ATXN7L3: variants seen among roughly 807,000 people sequenced by gnomAD.
ATXN7L3 encodes the protein ataxin 7 like 3.
In ATXN7L3, 6 loss-of-function variants were observed where a neutral mutation model predicts 50.0. The observed-to-expected ratio is 0.12, with a 90% CI of 0.07 to 0.24. The LOEUF (loss-of-function observed/expected upper bound fraction) is 0.24, where lower values mean the gene tolerates loss of function less well. Ranked by LOEUF, ATXN7L3 falls within the 10% of genes least tolerant of loss-of-function variation. The probability of loss-of-function intolerance (pLI) is 1.00; values close to 1 mark genes in which losing one functional copy is unlikely to be tolerated. For missense variants in ATXN7L3, 322 were observed against 451.3 expected (o/e 0.71, Z 2.60); for synonymous variants, 198 against 165.8 (o/e 1.19, Z -1.49).
chr17:44,196,232 A>AGGCCCC, intron 6 of ATXN7L3, 153 bp from the exon 7 acceptor site: 2 of 285,370 alleles, frequency 7.0e-6, no homozygotes, highest in Admixed American at 6.8e-5. Context: ...GCCCTCCCCC[A>AGGCCCC]CCCCCCTTCC....
Position 44,192,782 on chromosome 17 carries a change from A to C in ATXN7L3, c.*1481T>G, listed in dbSNP as rs1271830668. The C allele has an allele frequency of 6.6e-6, 1 of 152,074 alleles. No individual in the cohort carries two copies. The highest frequency in any genetic ancestry group is 2.4e-5 in the African/African-American group (1 of 41,378). The allele number at this position is 152,074 out of a possible 1,614,324, so 9.4% of individuals were successfully genotyped here. A position where few individuals can be genotyped will look rare whatever the true frequency, so the allele number is the denominator to read the frequency against. ...GCAGCCCCATCTCTGTTGTTCCCTT[A>C]ACCCTCTAGGGTCCCTAACCCGATC... is the stretch of plus-strand genomic sequence containing the variant. On this transcript the variant is annotated 3_prime_UTR_variant, in exon 13 of 13. Coordinates refer to ENST00000587097, the MANE Select transcript of ATXN7L3 (RefSeq NM_001382309.1).
chr17:44,198,672 C>T (rs977349318), intron 1 of ATXN7L3, among the ~76,000 whole-genome samples: 1 of 151,944 alleles, frequency 6.6e-6, no homozygotes, highest in African/African-American at 2.4e-5. Flanking sequence ...TGCCACTCCA[C>T]GAGGGGAGCA....
rs1247849796 is a variant in ATXN7L3 at position 44,194,103 on chromosome 17, A to C, written c.*160T>G. The stretch of plus-strand genomic sequence containing the variant: ...TCGTGCTCCATTGCAGAGGACTTTG[A>C]CACCCCCCAGGGGCGCATAATCGGA... On this transcript the variant is annotated 3_prime_UTR_variant, in exon 13 of 13. Transcript: ENST00000587097. 2 of 923,972 alleles carry C rather than the reference A, an allele frequency of 2.2e-6. No individual in the cohort carries two copies. The highest frequency in any genetic ancestry group is 3.3e-6 in the Non-Finnish European group (2 of 613,254). 57.2% of individuals were successfully genotyped at this position (923,972 alleles called of 1,614,324 possible). A position where few individuals can be genotyped will look rare whatever the true frequency, so the allele number is the denominator to read the frequency against.
rs749692641 is a variant in ATXN7L3 at position 44,197,592 on chromosome 17, G to A, written c.184+6C>T. ...TGGACTGCTGCTCCTTCACCCTGAA[G>A]CTCACCAAAATCCTTCATGCTATCA... On this transcript the variant is annotated splice_donor_region_variant and intron_variant, in intron 3 of 12. Transcript: ENST00000587097. The A allele has an allele frequency of 8.1e-6, 13 of 1,614,140 alleles. No individual in the cohort carries two copies. The highest frequency in any genetic ancestry group is 9.3e-6 in the Non-Finnish European group (11 of 1,180,050).
chr17:44,195,662 G>C lies in ATXN7L3; in HGVS notation c.552+138C>G, dbSNP rs1598195564. 18 of 1,220,170 alleles carry C rather than the reference G, an allele frequency of 1.5e-5. 1 individual carries two copies. The South Asian group carries it at 1.6e-4, about 11-fold the overall frequency. The allele number at this position is 1,220,170 out of a possible 1,614,324, so 75.6% of individuals were successfully genotyped here. On this transcript the variant is annotated intron_variant, in intron 8 of 12. Coordinates refer to ENST00000587097, the MANE Select transcript of ATXN7L3 (RefSeq NM_001382309.1). Reference sequence around the variant, plus strand: ...GCCAATGGATAAGGGGTGGGACTCAGAAAGAACATAAATATGTAAGATCCA... The same window carrying C: ...GCCAATGGATAAGGGGTGGGACTCACAAAGAACATAAATATGTAAGATCCA...
chr17:44,196,910 TC>T lies in ATXN7L3; in HGVS notation c.454+18del. ...ACCTCATCCCAATGCCCCCCGGGTTTCCCCAGATCCCCAAGCACCTTTCTTC... is the reference window on the plus strand; with the variant it reads ...ACCTCATCCCAATGCCCCCCGGGTTTCCCAGATCCCCAAGCACCTTTCTTC... On this transcript the variant is annotated intron_variant, in intron 5 of 12. Transcript: ENST00000587097. 1 of 1,587,328 alleles carries T rather than the reference TC, an allele frequency of 6.3e-7. No homozygotes were observed.
intron 1 of ATXN7L3, 197 bp from the exon 2 acceptor site, chr17:44,198,327 C>G (rs567626248): frequency 2.1e-6 from 1 of 479,090 alleles, no homozygotes; most frequent in Non-Finnish European, 3.7e-6. Flanking sequence ...CAGGCCTGAG[C>G]TCAGGCCCTG....
chr17:44,194,590 C>T lies in ATXN7L3; in HGVS notation c.822G>A (p.Trp274Ter). Residue 274 changes from tryptophan (W) to a stop codon, truncating the protein, a stop_gained, in exon 12 of 13, where the codon TGG becomes TGA. Coordinates refer to ENST00000587097, the MANE Select transcript of ATXN7L3 (RefSeq NM_001382309.1). LOFTEE classifies it high-confidence loss of function. ...DSQALISRLQWDGSSDLSPSD... is the reference protein window; with the variant it reads ...DSQALISRLQ ...AGGGTGAGAGGTCAGAGGAGCCGTC[C>T]CACTGAAGCCGGCTGATCAGGGCCT... The T allele has an allele frequency of 1.2e-6, 2 of 1,613,896 alleles. No homozygotes were observed.
chr17:44,196,926 C>T lies in ATXN7L3; in HGVS notation c.454+3G>A. ...CCCCGGGTTTCCCCAGATCCCCAAG[C>T]ACCTTTCTTCTCCGAGCCATAGGAC... is the stretch of plus-strand genomic sequence containing the variant. On this transcript the variant is annotated splice_donor_region_variant and intron_variant, in intron 5 of 12. Transcript: ENST00000587097. 1 of 1,610,308 alleles carries T rather than the reference C, an allele frequency of 6.2e-7. No individual in the cohort carries two copies. Among genetic ancestry groups the T allele is most frequent in the Non-Finnish European group, 8.5e-7 (1 of 1,176,814 alleles).
chr17:44,197,124 G>T (rs1440541418), intron 4 of ATXN7L3, 98 bp from the exon 5 acceptor site: 1 of 1,551,190 alleles, frequency 6.4e-7, no homozygotes, highest in African/African-American at 1.4e-5. Context: ...AGCAGGTGGA[G>T]CATCTGGGGC....
Position 44,191,813 on chromosome 17 carries a change from G to A in ATXN7L3, c.*2450C>T. 1.2e-6 allele frequency: 1 copy of A among 857,748 alleles called. No homozygotes were observed. The highest frequency in any genetic ancestry group is 1.4e-6 in the Non-Finnish European group (1 of 713,438). 53.1% of individuals were successfully genotyped at this position (857,748 alleles called of 1,614,324 possible). ...AGTAGGTAGGCCGGGGCTACCAACG[G>A]GAGATGCAGTTTATTTACACCAGCA... On this transcript the variant is annotated 3_prime_UTR_variant, in exon 13 of 13. Transcript: ENST00000587097.
At chr17:44,198,366 T>C in intron 1 of ATXN7L3, 1 of 398,772 alleles carries the variant, frequency 2.5e-6, no homozygotes, top group Non-Finnish European at 4.5e-6. Flanking sequence ...AGTCTGGGTC[T>C]ATAGGAGGCA....
Position 44,196,429 on chromosome 17 carries a change from C to G in ATXN7L3, c.455-11G>C. ...ACTTTCTCTTCTTGGCTGTGGGAAA[C>G]AAAAGCATAAAGAGCAGGGTTTCCG... On this transcript the variant is annotated splice_polypyrimidine_tract_variant and intron_variant, in intron 5 of 12. Coordinates refer to ENST00000587097, the MANE Select transcript of ATXN7L3 (RefSeq NM_001382309.1). The G allele has an allele frequency of 1.2e-6, 2 of 1,613,982 alleles. No homozygotes were observed. The highest frequency in any genetic ancestry group is 1.7e-6 in the Non-Finnish European group (2 of 1,179,980).
intron 8 of ATXN7L3, 108 bp from the exon 9 acceptor site, chr17:44,195,595 AACGACCCTGCCGTTTTCC>A (rs1269001069): frequency 1.1e-5 from 14 of 1,312,834 alleles, no homozygotes; most frequent in Non-Finnish European, 1.5e-5. Context: ...GAGGCTTTAG[AACGACCCTGCCGTTTTCC>A]AAGTGATTTC....
chr17:44,191,943 G>A lies in ATXN7L3; in HGVS notation c.*2320C>T. ...ATCTCAAGACCACAGGACAGCGTGA[G>A]CCCCACCCCCCTCCCCCAATGACCC... is the stretch of plus-strand genomic sequence containing the variant. On this transcript the variant is annotated 3_prime_UTR_variant, in exon 13 of 13. Coordinates refer to ENST00000587097, the MANE Select transcript of ATXN7L3 (RefSeq NM_001382309.1). 5.9e-6 allele frequency: 1 copy of A among 168,946 alleles called. No individual in the cohort carries two copies. The allele number at this position is 168,946 out of a possible 1,614,324, so 10.5% of individuals were successfully genotyped here.
chr17:44,196,907 G>C (rs747999788), intron 5 of ATXN7L3, 22 bp downstream of exon 5: 1 of 1,585,312 alleles, frequency 6.3e-7, no homozygotes, highest in Admixed American at 1.7e-5. Flanking sequence ...TGCCCCCCGG[G>C]TTTCCCCAGA....
In ATXN7L3 at chr17:44,198,067, T is replaced by C; in HGVS notation, c.4A>G (p.Lys2Glu). 1 of 1,614,124 alleles carries C rather than the reference T, an allele frequency of 6.2e-7. No individual in the cohort carries two copies. The highest frequency in any genetic ancestry group is 8.5e-7 in the Non-Finnish European group (1 of 1,179,984). Reference protein sequence around the residue: MKMEEMSLSGLD... With the variant: MEMEEMSLSGLD... ...CCAGACAAAGACATTTCCTCCATTT[T>C]CATTTGTAAACTCTTGTGGAGACGG... Residue 2 changes from lysine to glutamate, a missense_variant, in exon 2 of 13, where the codon AAA (lysine) becomes GAA (glutamate). Around this residue, in one of 5 missense-constraint regions of ATXN7L3, gnomAD observed 33 missense variants for 35.1 expected, o/e 0.94. Transcript: ENST00000587097.
At chr17:44,195,995 C>T (rs764121305) in intron 7 of ATXN7L3, 39 bp downstream of exon 7, 1 of 1,590,780 alleles carries the variant, frequency 6.3e-7, no homozygotes, top group Admixed American at 1.7e-5. Context: ...TCCCAGAAGA[C>T]ACAGCTAGAA....
intron 12 of ATXN7L3, 28 bp from the exon 13 acceptor site, chr17:44,194,439 G>C (rs756853243): frequency 5.6e-6 from 9 of 1,613,774 alleles, no homozygotes; most frequent in African/African-American, 1.3e-5. Context: ...CAAGGGATGA[G>C]AGTATGGTTA....
Sources: allele counts gnomAD v4.1 joint callset (sites outside exome capture counted in the v4.1 genomes callset), GRCh38; gene constraint gnomAD v4.1.1; regional missense constraint gnomAD v4.1.1; transcripts MANE v1.5; gene names NCBI Gene and HGNC (gene_info 2026-07-23, HGNC 2026-07-21).